The following THOC5 variants were observed in gnomAD, a reference collection of about 807,000 sequenced individuals.
THOC5 encodes the protein Fms-interacting protein.
Under a neutral mutation model 92.9 loss-of-function variants are expected in THOC5, and 43 were observed. The ratio of observed to expected loss-of-function variants is 0.46; its 90% confidence interval spans 0.36 to 0.60. The LOEUF (loss-of-function observed/expected upper bound fraction) is 0.60, where lower values mean the gene tolerates loss of function less well. Ranked by LOEUF, THOC5 falls within the 20% of genes least tolerant of loss-of-function variation. THOC5 has a pLI of 0.00. For synonymous variants in THOC5, 296 were observed against 320.1 expected, an observed-to-expected ratio of 0.92 and a Z score of 0.80; for missense variants, 659 against 849.4, an observed-to-expected ratio of 0.78 and a Z score of 2.79.
At chr22:29,509,577 G>C (rs1291617528) in intron 19 of THOC5, among the ~76,000 whole-genome samples, 1 of 152,204 alleles carries the variant, frequency 6.6e-6, no homozygotes, top group Non-Finnish European at 1.5e-5. Context: ...AAGGATGCTG[G>C]GACTGCTTCT....
chr22:29,536,346 G>A (rs903386300), intron 7 of THOC5: 22 of 331,038 alleles, frequency 6.6e-5, no homozygotes, highest in Middle Eastern at 8.0e-4. Context: ...GGCCATGCAG[G>A]GGGTAAACTA....
intron 15 of THOC5, 28 bp from the exon 16 acceptor site, chr22:29,517,394 A>C: frequency 6.2e-7 from 1 of 1,602,560 alleles, no homozygotes; most frequent in Non-Finnish European, 8.5e-7. Context: ...AGATGACGTC[A>C]CAGGTAGAAA....
Position 29,506,695 on chromosome 22 carries a change from C to T in THOC5, c.*1762G>A, listed in dbSNP as rs2063144369. The T allele has an allele frequency of 6.6e-6, 1 of 152,146 alleles. No homozygotes were observed. Among genetic ancestry groups the T allele is most frequent in the African/African-American group, 2.4e-5 (1 of 41,388 alleles). 9.4% of individuals were successfully genotyped at this position (152,146 alleles called of 1,614,324 possible). On this transcript the variant is annotated 3_prime_UTR_variant, in exon 20 of 20. Coordinates refer to ENST00000490103, the MANE Select transcript of THOC5 (RefSeq NM_003678.5). Reference sequence around the variant, plus strand: ...GTCTCAATAAAAAAAAAATATTCTCCTCAAATGTTACCTGGTCTCACTGTC... The same window carrying T: ...GTCTCAATAAAAAAAAAATATTCTCTTCAAATGTTACCTGGTCTCACTGTC...
At chr22:29,515,103 A>G (rs1428381403) in intron 17 of THOC5, among the ~76,000 whole-genome samples, 3 of 151,872 alleles carry the variant, frequency 2.0e-5, no homozygotes, top group Non-Finnish European at 4.4e-5. Context: ...GTGCAGTGGC[A>G]TGATCTCGGC....
chr22:29,539,191 C>T, intron 6 of THOC5, 139 bp downstream of exon 6: 2 of 814,298 alleles, frequency 2.5e-6, no homozygotes, highest in Non-Finnish European at 3.8e-6. Flanking sequence ...TTTAAACTAT[C>T]CAGTGTGATT....
intron 5 of THOC5, among the ~76,000 whole-genome samples, chr22:29,542,268 A>G (rs2063912571): frequency 6.6e-6 from 1 of 152,200 alleles, no homozygotes; most frequent in Admixed American, 6.5e-5. Context: ...CCAGAAATCA[A>G]ACTGGTAATG....
rs2063431834 is a variant in THOC5 at position 29,521,045 on chromosome 22, T to C, written c.1230A>G (p.Gly410=). The C allele has an allele frequency of 6.8e-6, 11 of 1,614,036 alleles. No homozygotes were observed. Among genetic ancestry groups the C allele is most frequent in the Non-Finnish European group, 8.5e-6 (10 of 1,180,042 alleles). The change falls in exon 13 of 20, where the codon GGA becomes GGG. Residue 410 remains glycine (G), a synonymous_variant. Coordinates refer to ENST00000490103, the MANE Select transcript of THOC5 (RefSeq NM_003678.5). ...GATTGGCTGGATTCGGAGTTTTCTT[T>C]CCATGATCCCCAGGATACAAGCAAC... ...VLSCLYPGDH[G]KKTPNPANQY...
intron 9 of THOC5, 28 bp downstream of exon 9, chr22:29,529,134 G>C (rs2063602608): frequency 1.2e-6 from 2 of 1,611,726 alleles, no homozygotes; most frequent in Non-Finnish European, 1.7e-6. Context: ...TGGTGTCCCT[G>C]GGGGACGAAT....
At chr22:29,519,978 C>T (rs1298418766) in intron 14 of THOC5, 30 bp downstream of exon 14, 1 of 1,587,484 alleles carries the variant, frequency 6.3e-7, no homozygotes. Context: ...GTAAGCTCCT[C>T]AGCCAACTAG....
At chr22:29,531,344 A>T (rs1363515887) in intron 8 of THOC5, 1 of 985,346 alleles carries the variant, frequency 1.0e-6, no homozygotes, top group Non-Finnish European at 1.2e-6. Context: ...AAACCCTAGC[A>T]GAGTCACAGG....
intron 1 of THOC5, 99 bp downstream of exon 1, chr22:29,553,572 C>G (rs1025125424): frequency 7.2e-5 from 11 of 152,716 alleles, no homozygotes; most frequent in African/African-American, 2.7e-4. Context: ...CCGGGTCAGA[C>G]CCCAGCCCAG....
At position 29,522,664 on chromosome 22, in the gene THOC5, A is replaced by G. The variant is rs539352834; in HGVS notation, c.1176-1565T>C. On this transcript the variant is annotated intron_variant, in intron 12 of 19. Coordinates refer to ENST00000490103, the MANE Select transcript of THOC5 (RefSeq NM_003678.5). ...ACCAAAACAAAAAAACTTCTCAACC[A>G]GTCAAATCTTTGTTATAAAATTTTG... 3.9e-5 allele frequency among the ~76,000 whole-genome samples: 6 copies of G among 152,280 alleles called. No individual in the cohort carries two copies. The East Asian group carries it at 1.2e-3, about 29-fold the overall frequency.
chr22:29,528,234 C>T (rs1034367611), intron 10 of THOC5, 57 bp from the exon 11 acceptor site: 2 of 1,613,918 alleles, frequency 1.2e-6, no homozygotes, highest in Non-Finnish European at 1.7e-6. Flanking sequence ...CTCCCCTTCC[C>T]TCTCCCAACC....
At position 29,514,701 on chromosome 22, in the gene THOC5, A is replaced by AAT. The variant is rs375323545; in HGVS notation, c.1681+2326_1681+2327dup. Among the ~76,000 whole-genome samples, 183 of 148,744 alleles carry AAT rather than the reference A, an allele frequency of 1.2e-3. 1 individual carries two copies. Among genetic ancestry groups the AAT allele is most frequent in the African/African-American group, 3.9e-3 (158 of 40,616 alleles). On this transcript the variant is annotated intron_variant, in intron 17 of 19. Transcript: ENST00000490103. ...ATTTCACAATGCACTCAAATGAAAA[A>AAT]ATATATATATATATATTTTTTGAGA...
At chr22:29,513,404 G>A (rs1202654869) in intron 17 of THOC5, among the ~76,000 whole-genome samples, 2 of 146,520 alleles carry the variant, frequency 1.4e-5, no homozygotes, top group Admixed American at 1.4e-4. Context: ...CCCCAAAAAA[G>A]AGTGTTCTGG....
chr22:29,548,644 C>T (rs1024569210), intron 2 of THOC5, among the ~76,000 whole-genome samples: 8 of 152,126 alleles, frequency 5.3e-5, no homozygotes, highest in South Asian at 2.1e-4. Flanking sequence ...AAGAACCTGA[C>T]GACCACATGA....
At chr22:29,534,550 T>C (rs1405496161) in intron 7 of THOC5, 1 of 151,676 alleles carries the variant, frequency 6.6e-6, no homozygotes, top group Non-Finnish European at 1.5e-5. Context: ...TGTTTTTTTT[T>C]TTCTTTTTTT....
rs1487916808 is a variant in THOC5, at chr22:29,507,779, C to T, written c.*678G>A. The T allele has an allele frequency of 3.3e-5, 5 of 152,408 alleles. No homozygotes were observed. Among genetic ancestry groups the T allele is most frequent in the African/African-American group, 1.2e-4 (5 of 41,430 alleles). 9.4% of individuals were successfully genotyped at this position (152,408 alleles called of 1,614,324 possible). A position where few individuals can be genotyped will look rare whatever the true frequency, so the allele number is the denominator to read the frequency against. The stretch of plus-strand genomic sequence containing the variant: ...TACTGACTATGTTAGCAGTAAGTAA[C>T]TACTAATAGCATACTACTGGTCAAC... On this transcript the variant is annotated 3_prime_UTR_variant, in exon 20 of 20. Transcript: ENST00000490103.
In THOC5 at chr22:29,508,261, C is replaced by T. The variant is rs1174719782; in HGVS notation, c.*196G>A. 2 of 601,036 alleles carry T rather than the reference C, an allele frequency of 3.3e-6. No individual in the cohort carries two copies. Among genetic ancestry groups the T allele is most frequent in the Admixed American group, 3.0e-5 (1 of 33,212 alleles). The allele number at this position is 601,036 out of a possible 1,614,324, so 37.2% of individuals were successfully genotyped here. A position where few individuals can be genotyped will look rare whatever the true frequency, so the allele number is the denominator to read the frequency against. ...CTACAAATGCTTTTTCACACTGTGT[C>T]ACAGCTCCCACCTGCCCTTCCAGAC... On this transcript the variant is annotated 3_prime_UTR_variant, in exon 20 of 20. Transcript: ENST00000490103.
Sources: gnomAD v4.1 joint callset for allele counts (sites outside exome capture counted in the v4.1 genomes callset) on GRCh38, gnomAD v4.1.1 for gene constraint, MANE v1.5 for transcripts, NCBI Gene and HGNC (gene_info 2026-07-23, HGNC 2026-07-21) for gene names.